The following PRKG2 variants were observed in gnomAD, a reference collection of about 807,000 sequenced individuals.
PRKG2 encodes protein kinase cGMP-dependent 2.
In PRKG2, 33 loss-of-function variants were observed where a neutral mutation model predicts 97.2. That is an observed-to-expected ratio of 0.34 (90% confidence interval 0.26 to 0.45). The LOEUF (loss-of-function observed/expected upper bound fraction) is 0.45, where lower values mean the gene tolerates loss of function less well. Ranked by LOEUF, PRKG2 falls within the 20% of genes least tolerant of loss-of-function variation. PRKG2 has a pLI of 1.00. For missense variants in PRKG2, 638 were observed against 900.0 expected (o/e 0.71, Z 3.73); for synonymous variants, 330 against 321.8 (o/e 1.03, Z -0.27).
At chr4:81,151,210 T>C (rs1748367696) in intron 8 of PRKG2, among the ~76,000 whole-genome samples, 1 of 152,116 alleles carries the variant, frequency 6.6e-6, no homozygotes, top group African/African-American at 2.4e-5. Flanking sequence ...CATATGTAAA[T>C]TTTAACTGAT....
At chr4:81,163,025 A>C (rs1230823645) in intron 6 of PRKG2, among the ~76,000 whole-genome samples, 1 of 152,158 alleles carries the variant, frequency 6.6e-6, no homozygotes, top group Non-Finnish European at 1.5e-5. Context: ...AAAGGGGGAA[A>C]AGCTTGAAAG....
At chr4:81,178,614 T>C (rs1042073372) in intron 2 of PRKG2, among the ~76,000 whole-genome samples, 3 of 150,652 alleles carry the variant, frequency 2.0e-5, no homozygotes, top group African/African-American at 7.3e-5. Flanking sequence ...AAAATGCAGC[T>C]GATAATAATT....
chr4:81,124,852 T>C (rs184491515), intron 14 of PRKG2, among the ~76,000 whole-genome samples: 142 of 152,350 alleles, frequency 9.3e-4, no homozygotes, highest in African/African-American at 3.3e-3. Context: ...TGGTTTGTTA[T>C]GTAAAATGGG....
At chr4:81,160,999 T>A (rs1342606636) in intron 6 of PRKG2, among the ~76,000 whole-genome samples, 1 of 152,192 alleles carries the variant, frequency 6.6e-6, no homozygotes, top group East Asian at 1.9e-4. Flanking sequence ...TAAAAAGGCA[T>A]AACTAACCAC....
At chr4:81,157,764 G>C (rs1334642818) in intron 6 of PRKG2, among the ~76,000 whole-genome samples, 2 of 151,720 alleles carry the variant, frequency 1.3e-5, no homozygotes, top group Non-Finnish European at 2.9e-5. Flanking sequence ...GGGATGCAAG[G>C]CTGGTTCAAT....
chr4:81,205,153 G>T, intron 1 of PRKG2, 93 bp from the exon 2 acceptor site: 1 of 774,438 alleles, frequency 1.3e-6, no homozygotes, highest in South Asian at 2.1e-5. Context: ...TTCATAAATA[G>T]GAACACAGTA....
intron 10 of PRKG2, 83 bp from the exon 11 acceptor site, chr4:81,143,030 C>A: frequency 7.0e-7 from 1 of 1,431,914 alleles, no homozygotes; most frequent in Non-Finnish European, 9.3e-7. Flanking sequence ...ACTCCTACGA[C>A]AGTCTAATTT....
chr4:81,108,992 C>T (rs1743639294), intron 15 of PRKG2, among the ~76,000 whole-genome samples: 1 of 152,162 alleles, frequency 6.6e-6, no homozygotes, highest in Admixed American at 6.6e-5. Context: ...TATCTGATTA[C>T]CTATAGAAGC....
chr4:81,217,824 G>A (rs917786007), upstream of PRKG2, among the ~76,000 whole-genome samples: 2 of 152,174 alleles, frequency 1.3e-5, no homozygotes, highest in Non-Finnish European at 2.9e-5. Context: ...TGTTTCACAA[G>A]GCAAGAAGTT....
chr4:81,152,141 C>T (rs3733550), intron 7 of PRKG2, 87 bp from the exon 8 acceptor site: 104,714 of 972,804 alleles, frequency 0.11, 10,392 homozygotes, highest in East Asian at 0.45. Flanking sequence ...ACCCTCTAGA[C>T]CTATATAAAC....
intron 1 of PRKG2, among the ~76,000 whole-genome samples, chr4:81,210,883 C>T (rs1039001596): frequency 2.0e-5 from 3 of 152,084 alleles, no homozygotes; most frequent in Non-Finnish European, 2.9e-5. Context: ...AAAGCAATAT[C>T]AGCCAACAAG....
intron 8 of PRKG2, among the ~76,000 whole-genome samples, chr4:81,149,438 A>G (rs1422043282): frequency 6.6e-6 from 1 of 152,200 alleles, no homozygotes; most frequent in African/African-American, 2.4e-5. Context: ...AAATACTTTC[A>G]TTTCAAAGTG....
At chr4:81,157,740 T>A (rs1219723729) in intron 6 of PRKG2, among the ~76,000 whole-genome samples, 4 of 151,832 alleles carry the variant, frequency 2.6e-5, no homozygotes, top group Non-Finnish European at 5.9e-5. Flanking sequence ...CATGATCAAC[T>A]GGGCTTCATC....
chr4:81,154,018 GA>G, intron 6 of PRKG2: 1 of 223,246 alleles, frequency 4.5e-6, no homozygotes, highest in Non-Finnish European at 9.0e-6. Flanking sequence ...ACAGCACCTG[GA>G]AAATCGGGTC....
intron 2 of PRKG2, among the ~76,000 whole-genome samples, chr4:81,199,962 G>T (rs781539698): frequency 1.3e-5 from 2 of 152,118 alleles, no homozygotes; most frequent in Non-Finnish European, 2.9e-5. Flanking sequence ...TTTCATGAAA[G>T]AACAATAGTT....
Position 81,105,585 on chromosome 4 carries a change from TAG to T in PRKG2, c.2063+226_2063+227del, listed in dbSNP as rs199648163. Among the ~76,000 whole-genome samples the T allele has an allele frequency of 1.3e-4, 20 of 152,314 alleles. No individual in the cohort carries two copies. The East Asian group carries it at 3.3e-3, about 25-fold the overall frequency. ...ATACCCAAAGGTTGTCTGAAAAATT[TAG>T]ATCTTTTTTTAAACTACTTCATAAG... On this transcript the variant is annotated intron_variant, in intron 16 of 18. Transcript: ENST00000264399.
intron 7 of PRKG2, 40 bp from the exon 8 acceptor site, chr4:81,152,094 G>A (rs1338485930): frequency 2.1e-6 from 3 of 1,459,260 alleles, no homozygotes; most frequent in African/African-American, 2.8e-5. Context: ...AGAGACTGAA[G>A]AAAAAGGAGA....
At chr4:81,114,997 A>G (rs1379583228) in intron 14 of PRKG2, among the ~76,000 whole-genome samples, 1 of 152,180 alleles carries the variant, frequency 6.6e-6, no homozygotes, top group African/African-American at 2.4e-5. Context: ...GCTGTATTAT[A>G]ACACCATTGG....
intron 17 of PRKG2, among the ~76,000 whole-genome samples, chr4:81,097,297 T>C (rs1742218827): frequency 1.3e-5 from 2 of 152,184 alleles, no homozygotes; most frequent in Admixed American, 1.3e-4. Flanking sequence ...CAATGAACAG[T>C]AATATTTGAA....
Sources: allele counts gnomAD v4.1 joint callset (sites outside exome capture counted in the v4.1 genomes callset), GRCh38; gene constraint gnomAD v4.1.1; transcripts MANE v1.5; gene names NCBI Gene and HGNC (gene_info 2026-07-23, HGNC 2026-07-21).